Variants in NICOL1 observed in about 807,000 individuals in gnomAD.
The protein encoded by NICOL1 is NELL2-interacting cell ontogeny regulator 1.
chr4:2,040,700 C>G, the NICOL1 span, among the ~76,000 whole-genome samples: 90 of 152,214 alleles, frequency 5.9e-4, no homozygotes, highest in Non-Finnish European at 3.1e-4. Context: ...CGGCCCGCAG[C>G]CCCCACCCGG....
At chr4:2,041,153 G>C in the NICOL1 span, among the ~76,000 whole-genome samples, 3 of 149,268 alleles carry the variant, frequency 2.0e-5, no homozygotes, top group African/African-American at 2.5e-5. Context: ...GGTGGGGTGG[G>C]GGGGGAGCGG....
the NICOL1 span, chr4:2,043,864 G>A: frequency 6.5e-7 from 1 of 1,549,654 alleles, no homozygotes; most frequent in Non-Finnish European, 8.7e-7. Flanking sequence ...TTTGCAGACG[G>A]AGACCCTACT....
At chr4:2,042,586 C>T in the NICOL1 span, 2 of 501,580 alleles carry the variant, frequency 4.0e-6, no homozygotes, top group Non-Finnish European at 3.5e-6. Context: ...CCTTTGTTCC[C>T]GGGAGCGGGT....
the NICOL1 span, among the ~76,000 whole-genome samples, chr4:2,037,043 C>A: frequency 6.6e-6 from 1 of 151,966 alleles, no homozygotes. Flanking sequence ...GGCCGACTTC[C>A]CCTTTGCTGT....
the NICOL1 span, chr4:2,042,926 C>A: frequency 2.7e-6 from 2 of 736,868 alleles, no homozygotes; most frequent in Non-Finnish European, 4.1e-6. Context: ...TGTCCCTCAT[C>A]CTTCACCCCG....
the NICOL1 span, chr4:2,042,312 C>G: frequency 3.0e-6 from 2 of 671,504 alleles, no homozygotes; most frequent in Non-Finnish European, 4.5e-6. Flanking sequence ...GCCGCTGACC[C>G]CTCGCTGGCT....
At chr4:2,043,881 G>C in the NICOL1 span, 4 of 1,549,872 alleles carry the variant, frequency 2.6e-6, no homozygotes, top group Non-Finnish European at 3.5e-6. Flanking sequence ...TACTGCTGCA[G>C]GCAGAGCGCC....
chr4:2,040,298 G>A, the NICOL1 span, among the ~76,000 whole-genome samples: 1 of 152,198 alleles, frequency 6.6e-6, no homozygotes, highest in Non-Finnish European at 1.5e-5. Context: ...GTAGACACGG[G>A]GTTTCGCCAT....
the NICOL1 span, among the ~76,000 whole-genome samples, chr4:2,040,803 C>T: frequency 1.3e-5 from 2 of 152,190 alleles, no homozygotes; most frequent in Non-Finnish European, 2.9e-5. Context: ...CGGCCCAACC[C>T]GGAGGAGGCA....
At chr4:2,040,074 G>A in the NICOL1 span, among the ~76,000 whole-genome samples, 1 of 152,006 alleles carries the variant, frequency 6.6e-6, no homozygotes, top group African/African-American at 2.4e-5. Flanking sequence ...ACAGTCATGG[G>A]AATGAAGATG....
the NICOL1 span, among the ~76,000 whole-genome samples, chr4:2,043,598 C>G: frequency 6.6e-6 from 1 of 152,106 alleles, no homozygotes; most frequent in African/African-American, 2.4e-5. Context: ...TGGACCCCTG[C>G]GGGTGGTGTG....
the NICOL1 span, chr4:2,041,756 T>C: frequency 4.4e-6 from 2 of 454,848 alleles, no homozygotes; most frequent in Non-Finnish European, 7.7e-6. Context: ...TCCTCAGCTT[T>C]TCTCCCGCCG....
chr4:2,036,775 G>A, the NICOL1 span, among the ~76,000 whole-genome samples: 1 of 152,128 alleles, frequency 6.6e-6, no homozygotes, highest in Non-Finnish European at 1.5e-5. Context: ...TGGTTGATGA[G>A]AACCCGGAAG....
chr4:2,041,988 G>C, the NICOL1 span: 10 of 1,466,162 alleles, frequency 6.8e-6, no homozygotes, highest in Admixed American at 1.5e-4. Context: ...GGGTCGGGTC[G>C]GAGCGCATGC....
At chr4:2,038,237 G>GTGTGTATATATA in the NICOL1 span, among the ~76,000 whole-genome samples, 41 of 91,464 alleles carry the variant, frequency 4.5e-4, no homozygotes, top group African/African-American at 1.4e-3. Context: ...TGATCAGTGT[G>GTGTGTATATATA]TATATATATA....
At chr4:2,040,636 G>A in the NICOL1 span, among the ~76,000 whole-genome samples, 2 of 152,172 alleles carry the variant, frequency 1.3e-5, no homozygotes, top group Non-Finnish European at 2.9e-5. Flanking sequence ...GCGCGGAAGT[G>A]CGCACTAGCC....
the NICOL1 span, among the ~76,000 whole-genome samples, chr4:2,037,206 A>G: frequency 6.6e-6 from 1 of 152,132 alleles, no homozygotes; most frequent in Non-Finnish European, 1.5e-5. Flanking sequence ...AAGCTCCCCA[A>G]CCATGCTTAT....
the NICOL1 span, chr4:2,041,924 G>A: frequency 2.6e-3 from 3,663 of 1,412,484 alleles, 92 homozygotes; most frequent in African/African-American, 0.048. Context: ...TAAACCCGCG[G>A]CCAGCGCAGT....
At chr4:2,036,830 T>C in the NICOL1 span, among the ~76,000 whole-genome samples, 51 of 151,790 alleles carry the variant, frequency 3.4e-4, no homozygotes, top group East Asian at 8.7e-3. Flanking sequence ...GGGGAGTGAG[T>C]GTGTGGACGA....
Sources: allele counts gnomAD v4.1 joint callset (sites outside exome capture counted in the v4.1 genomes callset), GRCh38; gene constraint gnomAD v4.1.1; transcripts MANE v1.5; gene names NCBI Gene and HGNC (gene_info 2026-07-23, HGNC 2026-07-21).